The following METTL22 variants were observed in gnomAD, a reference collection of about 807,000 sequenced individuals.
METTL22 encodes the protein methyltransferase-like protein 22.
A neutral mutation model predicts 48.4 loss-of-function variants in METTL22; 51 were observed. The observed-to-expected ratio is 1.05, with a 90% confidence interval of 0.84 to 1.33. METTL22 has a LOEUF of 1.33. Among genes scored for constraint, METTL22 ranks in the 40% most tolerant of loss-of-function variants. METTL22 has a pLI of 0.00. For missense variants in METTL22, 678 were observed against 526.9 expected, an observed-to-expected ratio of 1.29 and a Z score of -2.81; for synonymous variants, 255 against 214.1, an observed-to-expected ratio of 1.19 and a Z score of -1.67.
At chr16:8,622,556 A>ATTTCC (rs1027184961) in intron 1 of METTL22, among the ~76,000 whole-genome samples, 2 of 152,116 alleles carry the variant, frequency 1.3e-5, no homozygotes, top group African/African-American at 4.8e-5. Flanking sequence ...CAGACCCTGC[A>ATTTCC]TTTCCGGAAA....
chr16:8,641,998 G>A lies in METTL22; in HGVS notation c.827-129G>A. ...AAGCAGGGAGTCTGGTCTGCCTGGT[G>A]GTGCCCACTGCACCGAGCTACCCCC... On this transcript the variant is annotated intron_variant, in intron 7 of 10. Transcript: ENST00000381920. 7.0e-6 allele frequency: 5 copies of A among 716,038 alleles called. No individual in the cohort carries two copies. In the South Asian group the frequency reaches 7.9e-5, roughly 11 times the overall value. The allele number at this position is 716,038 out of a possible 1,614,324, so 44.4% of individuals were successfully genotyped here.
Position 8,641,466 on chromosome 16 carries a change from G to T in METTL22, c.826+282G>T. 3.5e-6 allele frequency: 2 copies of T among 565,012 alleles called. 1 individual carries two copies. The highest frequency in any genetic ancestry group is 3.1e-5 in the South Asian group (2 of 65,546). 35.0% of individuals were successfully genotyped at this position (565,012 alleles called of 1,614,324 possible). ...GAATTGTGAGTGCAGACTGCCCATG[G>T]GCACAGCTGGTACACAGCAGGGTAG... On this transcript the variant is annotated intron_variant, in intron 7 of 10. Transcript: ENST00000381920.
chr16:8,633,867 T>C (rs1421875670), intron 3 of METTL22, among the ~76,000 whole-genome samples: 3 of 152,256 alleles, frequency 2.0e-5, no homozygotes, highest in Non-Finnish European at 4.4e-5. Flanking sequence ...CTCTGTAATA[T>C]ACATGTGAGC....
chr16:8,658,600 C>T, the METTL22 span, among the ~76,000 whole-genome samples: 3 of 152,318 alleles, frequency 2.0e-5, no homozygotes, highest in Admixed American at 6.5e-5. Context: ...TACTTGGCAT[C>T]GGTCAGAAGG....
downstream of METTL22, among the ~76,000 whole-genome samples, chr16:8,649,877 A>C (rs530290557): frequency 6.6e-6 from 1 of 152,276 alleles, no homozygotes; most frequent in South Asian, 2.1e-4. Flanking sequence ...TATGCACACG[A>C]ATCACTTGGG....
Position 8,623,365 on chromosome 16 carries a change from C to T in METTL22, c.-171+1590C>T, listed in dbSNP as rs2055926194. 2.0e-5 allele frequency among the ~76,000 whole-genome samples: 3 copies of T among 151,444 alleles called. No individual in the cohort carries two copies. In the South Asian group the frequency reaches 6.2e-4, roughly 32 times the overall value. On this transcript the variant is annotated intron_variant, in intron 1 of 10. Transcript: ENST00000381920. ...AAAAAAGAAATGGCATCCTTTGGTT[C>T]ACTTTTGATTTTTACAGCAATATTA...
intron 7 of METTL22, 114 bp from the exon 8 acceptor site, chr16:8,642,013 G>A (rs748265064): frequency 2.2e-5 from 18 of 804,772 alleles, no homozygotes; most frequent in East Asian, 5.0e-5. Context: ...CCACTGCACC[G>A]AGCTACCCCC....
downstream of METTL22, among the ~76,000 whole-genome samples, chr16:8,652,221 G>A (rs1474323470): frequency 6.6e-6 from 1 of 152,042 alleles, no homozygotes; most frequent in African/African-American, 2.4e-5. Context: ...CACTTTGGGA[G>A]GCCAATGTGG....
In METTL22 at chr16:8,628,062, T is replaced by TA. The variant is rs1334082327; in HGVS notation, c.134-667dup. On this transcript the variant is annotated intron_variant, in intron 2 of 10. Transcript: ENST00000381920. ...CAAAAAACTTTTTTATCTAACCTGTTACAGGAAAAGTTTGCTCACCCCTGC... is the reference window on the plus strand; with the variant it reads ...CAAAAAACTTTTTTATCTAACCTGTTAACAGGAAAAGTTTGCTCACCCCTGC... 6.6e-5 allele frequency among the ~76,000 whole-genome samples: 10 copies of TA among 152,196 alleles called. 1 individual carries two copies. Among genetic ancestry groups the TA allele is most frequent in the Non-Finnish European group, 8.8e-5 (6 of 68,036 alleles).
chr16:8,649,976 C>T (rs994196503), downstream of METTL22, among the ~76,000 whole-genome samples: 3 of 152,162 alleles, frequency 2.0e-5, no homozygotes, highest in Admixed American at 6.6e-5. Flanking sequence ...TGATGATGCT[C>T]GTCTGTGGGC....
At position 8,624,817 on chromosome 16, in the gene METTL22, C is replaced by T. The variant is rs200370779; in HGVS notation, c.-170-679C>T. ...GAGGCTGCAGTGAGCCATGATTGTA[C>T]CACTGCACTCCAGCCTGGGCAACAG... On this transcript the variant is annotated intron_variant, in intron 1 of 10. Coordinates refer to ENST00000381920, the MANE Select transcript of METTL22 (RefSeq NM_024109.4). 2.6e-5 allele frequency among the ~76,000 whole-genome samples: 4 copies of T among 152,230 alleles called. No homozygotes were observed. In the East Asian group the frequency reaches 7.7e-4, roughly 29 times the overall value.
In METTL22 at chr16:8,642,129, C is replaced by G. The variant is rs780357569; in HGVS notation, c.829C>G (p.Pro277Ala). The stretch of plus-strand genomic sequence containing the variant: ...AGTGTGCTTTTGTTCTTTCTTAGAT[C>G]CCAAGGTCCCCTTCAGTTGGTCACA... ...DWLKDDLCTD[P>A]KVPFSWSQEE... The change falls in exon 8 of 11, where the codon CCC (proline) becomes GCC (alanine). Residue 277 changes from proline (P) to alanine (A), a missense_variant and splice_region_variant. Coordinates refer to ENST00000381920, the MANE Select transcript of METTL22 (RefSeq NM_024109.4). The G allele has an allele frequency of 6.2e-7, 1 of 1,612,144 alleles. No homozygotes were observed. The highest frequency in any genetic ancestry group is 8.5e-7 in the Non-Finnish European group (1 of 1,178,156).
At chr16:8,661,264 A>G in the METTL22 span, among the ~76,000 whole-genome samples, 12,109 of 150,620 alleles carry the variant, frequency 0.08, 813 homozygotes, top group Middle Eastern at 0.12. Context: ...CTAACCTGCT[A>G]TACATTGTAC....
At chr16:8,652,040 GAA>G (rs2056907088), downstream of METTL22, among the ~76,000 whole-genome samples, 9 of 152,150 alleles carry the variant, frequency 5.9e-5, no homozygotes, top group Admixed American at 5.9e-4. Context: ...AAGCAAAAAA[GAA>G]AAGTCATGCT....
chr16:8,653,789 G>C (rs2056929752), downstream of METTL22, among the ~76,000 whole-genome samples: 2 of 152,046 alleles, frequency 1.3e-5, no homozygotes, highest in South Asian at 4.2e-4. Flanking sequence ...CATTTCCAAG[G>C]CTCAAGCTAC....
In METTL22 at chr16:8,625,659, C is replaced by T. The variant is rs758710379; in HGVS notation, c.-7C>T. The T allele has an allele frequency of 3.1e-6, 5 of 1,614,060 alleles. No individual in the cohort carries two copies. Among genetic ancestry groups the T allele is most frequent in the South Asian group, 2.2e-5 (2 of 91,076 alleles). Reference sequence around the variant, plus strand: ...TCCTGTCCTAGGACTAAGGTGGAGCCTGGGCCATGGTACAGCTGGCTCCTG... The same window carrying T: ...TCCTGTCCTAGGACTAAGGTGGAGCTTGGGCCATGGTACAGCTGGCTCCTG... On this transcript the variant is annotated 5_prime_UTR_variant, in exon 2 of 11. Coordinates refer to ENST00000381920, the MANE Select transcript of METTL22 (RefSeq NM_024109.4).
At chr16:8,633,941 T>C (rs1283820497) in intron 3 of METTL22, among the ~76,000 whole-genome samples, 1 of 152,272 alleles carries the variant, frequency 6.6e-6, no homozygotes, top group East Asian at 1.9e-4. Flanking sequence ...CTAGTGAATG[T>C]TGGTTCAGTG....
intron 10 of METTL22, 159 bp from the exon 11 acceptor site, chr16:8,645,949 G>T: frequency 7.9e-7 from 1 of 1,263,076 alleles, no homozygotes. Context: ...GAGCAACAAA[G>T]AAAGGAGGAA....
intron 6 of METTL22, 122 bp downstream of exon 6, chr16:8,639,284 A>T (rs2056519894): frequency 1.0e-6 from 1 of 961,920 alleles, no homozygotes; most frequent in African/African-American, 1.6e-5. Flanking sequence ...GCAGGTGAGT[A>T]AGGGGAGCAG....
Sources: allele counts gnomAD v4.1 joint callset (sites outside exome capture counted in the v4.1 genomes callset), GRCh38; gene constraint gnomAD v4.1.1; transcripts MANE v1.5; gene names NCBI Gene and HGNC (gene_info 2026-07-23, HGNC 2026-07-21).